The following DPP6 variants were observed in gnomAD, a reference collection of about 807,000 sequenced individuals.
DPP6 encodes A-type potassium channel modulatory protein DPP6.
A neutral mutation model predicts 122.6 loss-of-function variants in DPP6; 69 were observed. The ratio of observed to expected loss-of-function variants is 0.56; its 90% CI spans 0.46 to 0.69. The LOEUF (loss-of-function observed/expected upper bound fraction) is 0.69, where lower values mean the gene tolerates loss of function less well. DPP6 is among the 30% of genes least tolerant of loss of function. DPP6 has a pLI of 0.00. For missense variants in DPP6, 928 were observed against 1,116.9 expected (o/e 0.83, Z 2.41); for synonymous variants, 418 against 433.1 (o/e 0.97, Z 0.43).
intron 1 of DPP6, among the ~76,000 whole-genome samples, chr7:154,324,071 A>G (rs1210501537): frequency 6.6e-6 from 1 of 152,252 alleles, no homozygotes; most frequent in African/African-American, 2.4e-5. Context: ...CAATCAGGAC[A>G]GAACCATGAG....
At chr7:153,795,598 A>ATTAAT in the DPP6 span, among the ~76,000 whole-genome samples, 2 of 152,008 alleles carry the variant, frequency 1.3e-5, no homozygotes, top group African/African-American at 4.8e-5. Context: ...TTTCTAGTTT[A>ATTAAT]TTAATTTCCA....
At chr7:154,726,627 C>G (rs1586965643) in intron 7 of DPP6, among the ~76,000 whole-genome samples, 1 of 152,206 alleles carries the variant, frequency 6.6e-6, no homozygotes, top group African/African-American at 2.4e-5. Flanking sequence ...CCTCAAAGTT[C>G]TCTGAAATGC....
intron 1 of DPP6, among the ~76,000 whole-genome samples, chr7:153,930,308 A>G (rs1346019877): frequency 6.6e-6 from 1 of 152,192 alleles, no homozygotes; most frequent in African/African-American, 2.4e-5. Flanking sequence ...ATGCACTAGC[A>G]TTATTCATAT....
At position 154,860,343 on chromosome 7, in the gene DPP6, G is replaced by A. The variant is rs568323360; in HGVS notation, c.1714+6516G>A. Among the ~76,000 whole-genome samples, 7 of 152,338 alleles carry A rather than the reference G, an allele frequency of 4.6e-5. No homozygotes were observed. In the South Asian group the frequency reaches 1.0e-3, roughly 23 times the overall value. ...ATGTCACTGTCACGCTACACGCCAA[G>A]GAGTTTGCCCGCCATCCTGCAGGAC... is the stretch of plus-strand genomic sequence containing the variant. On this transcript the variant is annotated intron_variant, in intron 17 of 25. Coordinates refer to ENST00000377770, the MANE Select transcript of DPP6 (RefSeq NM_130797.4).
At chr7:153,848,400 G>T in the DPP6 span, among the ~76,000 whole-genome samples, 1 of 152,136 alleles carries the variant, frequency 6.6e-6, no homozygotes, top group South Asian at 2.1e-4. Context: ...TGCTCTTAGA[G>T]AATTCAGCTG....
intron 1 of DPP6, among the ~76,000 whole-genome samples, chr7:154,205,900 C>T (rs1799422132): frequency 3.3e-5 from 5 of 152,196 alleles, no homozygotes; most frequent in Admixed American, 2.6e-4. Context: ...CTCTCTTGGT[C>T]CTGCCTGTGT....
intron 1 of DPP6, among the ~76,000 whole-genome samples, chr7:154,368,505 G>A (rs1184909593): frequency 1.3e-4 from 20 of 152,152 alleles, no homozygotes; most frequent in Admixed American, 1.2e-3. Context: ...TGTTTACTCC[G>A]GATAATTTTG....
chr7:154,744,974 T>A (rs1842972369), intron 8 of DPP6, among the ~76,000 whole-genome samples: 1 of 152,226 alleles, frequency 6.6e-6, no homozygotes, highest in Non-Finnish European at 1.5e-5. Context: ...TTGATATGTA[T>A]CTTGCCTCAT....
At chr7:154,299,526 T>C (rs1805763941) in intron 1 of DPP6, among the ~76,000 whole-genome samples, 1 of 152,188 alleles carries the variant, frequency 6.6e-6, no homozygotes, top group Non-Finnish European at 1.5e-5. Context: ...GTTGTTGTTG[T>C]TTCTTTCTTT....
At chr7:153,965,563 AG>A (rs1268502764) in intron 1 of DPP6, among the ~76,000 whole-genome samples, 11 of 152,020 alleles carry the variant, frequency 7.2e-5, no homozygotes, top group Non-Finnish European at 1.3e-4. Flanking sequence ...CCCAGGTTGG[AG>A]CACAGTGGCG....
intron 10 of DPP6, chr7:154,793,822 A>G: frequency 2.4e-6 from 1 of 410,816 alleles, no homozygotes; most frequent in Non-Finnish European, 4.3e-6. Context: ...CCCCCAGGGC[A>G]GCCACACGCA....
Position 154,623,537 on chromosome 7 carries a change from A to AAC in DPP6, c.628-14273_628-14272dup, listed in dbSNP as rs563902240. Among the ~76,000 whole-genome samples the AAC allele has an allele frequency of 7.4e-4, 112 of 152,076 alleles. 1 individual carries two copies. In the East Asian group the frequency reaches 9.5e-3, roughly 13 times the overall value. The stretch of plus-strand genomic sequence containing the variant: ...CCAGAAAAGGGGAGAGGATTTTACA[A>AAC]ACACACACACACGCACACACGCAAC... On this transcript the variant is annotated intron_variant, in intron 5 of 25. Coordinates refer to ENST00000377770, the MANE Select transcript of DPP6 (RefSeq NM_130797.4).
intron 1 of DPP6, among the ~76,000 whole-genome samples, chr7:153,972,343 C>A (rs533124661): frequency 6.6e-6 from 1 of 151,646 alleles, no homozygotes; most frequent in African/African-American, 2.4e-5. Flanking sequence ...TTTTGCCTCA[C>A]AAACACTAAG....
chr7:154,290,912 A>G (rs1287257166), intron 1 of DPP6, among the ~76,000 whole-genome samples: 1 of 152,202 alleles, frequency 6.6e-6, no homozygotes, highest in East Asian at 1.9e-4. Context: ...GACCTTCCCC[A>G]GTGTCTAAAT....
chr7:154,132,703 C>A (rs1339197655), intron 1 of DPP6, among the ~76,000 whole-genome samples: 2 of 152,030 alleles, frequency 1.3e-5, no homozygotes, highest in African/African-American at 2.4e-5. Context: ...AGGATAACAT[C>A]CCTATTCCTT....
At chr7:154,602,770 C>T (rs150931587) in intron 5 of DPP6, among the ~76,000 whole-genome samples, 1,738 of 104,086 alleles carry the variant, frequency 0.017, 456 homozygotes, top group Non-Finnish European at 0.026. Context: ...TTTTTTGAGA[C>T]AGGGTCTTAC....
Position 154,452,782 on chromosome 7 carries a change from A to G in DPP6, c.358+6454A>G, listed in dbSNP as rs1820499042. Among the ~76,000 whole-genome samples the G allele has an allele frequency of 1.3e-5, 2 of 152,224 alleles. 1 individual carries two copies. Among genetic ancestry groups the G allele is most frequent in the South Asian group, 4.1e-4 (2 of 4,830 alleles). ...GGGCCTCATGGTAATCACTCTGAAC[A>G]ACAAGGCATCTTGTCCTGGAGTACA... On this transcript the variant is annotated intron_variant, in intron 2 of 25. Coordinates refer to ENST00000377770, the MANE Select transcript of DPP6 (RefSeq NM_130797.4).
At chr7:154,029,838 T>A in intron 1 of DPP6, among the ~76,000 whole-genome samples, 1 of 140,238 alleles carries the variant, frequency 7.1e-6, no homozygotes. Context: ...AGAGCGAAAC[T>A]CCATCTCAAA....
At chr7:154,166,889 C>T (rs1423433854) in intron 1 of DPP6, among the ~76,000 whole-genome samples, 10 of 148,064 alleles carry the variant, frequency 6.8e-5, no homozygotes, top group Non-Finnish European at 1.3e-4. Context: ...CTAGCCTGAG[C>T]GACAGAGTGA....
Sources: gnomAD v4.1 joint callset for allele counts (sites outside exome capture counted in the v4.1 genomes callset) on GRCh38, gnomAD v4.1.1 for gene constraint, MANE v1.5 for transcripts, NCBI Gene and HGNC (gene_info 2026-07-23, HGNC 2026-07-21) for gene names.